The following NRXN1 variants were observed in gnomAD, a reference collection of about 807,000 sequenced individuals.
The protein encoded by NRXN1 is neurexin 1, also known as neurexin-1.
In NRXN1, 39 loss-of-function variants were observed where a neutral mutation model predicts 150.9. The observed-to-expected ratio is 0.26, with a 90% CI of 0.20 to 0.34. The LOEUF (loss-of-function observed/expected upper bound fraction) is 0.34. Ranked by LOEUF, NRXN1 falls within the 10% of genes least tolerant of loss-of-function variation. NRXN1 has a pLI of 1.00. For missense variants in NRXN1, 1,815 were observed against 1,949.9 expected (o/e 0.93, Z 1.30); for synonymous variants, 924 against 757.0 (o/e 1.22, Z -3.62).
At chr2:50,668,342 C>G (rs1350332372) in intron 5 of NRXN1, among the ~76,000 whole-genome samples, 1 of 151,460 alleles carries the variant, frequency 6.6e-6, no homozygotes, top group Non-Finnish European at 1.5e-5. Context: ...AAAATATAGT[C>G]AACATGTGAA....
In NRXN1 at chr2:50,296,518, C is replaced by CTATTAGTATTATTATTAT. The variant is rs60974449; in HGVS notation, c.3365-59549_3365-59548insATAATAATAATACTAATA. ...TCCATGTGTACCCATTGCTTAGCTT[C>CTATTAGTATTATTATTAT]TATTATTATTATTATTATCATTATT... On this transcript the variant is annotated intron_variant, in intron 17 of 22. Transcript: ENST00000401669. Among the ~76,000 whole-genome samples the CTATTAGTATTATTATTAT allele has an allele frequency of 2.2e-3, 319 of 148,042 alleles. 2 individuals carry two copies. Among genetic ancestry groups the CTATTAGTATTATTATTAT allele is most frequent in the Admixed American group, 7.7e-3 (114 of 14,812 alleles).
chr2:50,722,061 G>A (rs1366048529), intron 5 of NRXN1, among the ~76,000 whole-genome samples: 3 of 152,100 alleles, frequency 2.0e-5, no homozygotes, highest in African/African-American at 4.8e-5. Flanking sequence ...CTTTAAAAAT[G>A]GTGATCATAA....
intron 15 of NRXN1, among the ~76,000 whole-genome samples, chr2:50,493,953 C>A (rs911127109): frequency 2.6e-5 from 4 of 152,020 alleles, no homozygotes; most frequent in African/African-American, 9.7e-5. Flanking sequence ...ATGGGCAAAG[C>A]CTGTTTTATC....
At chr2:50,283,425 T>A (rs1045645340) in intron 17 of NRXN1, among the ~76,000 whole-genome samples, 4 of 152,190 alleles carry the variant, frequency 2.6e-5, no homozygotes, top group Non-Finnish European at 4.4e-5. Context: ...TCTAAATATC[T>A]TTCTTGTTTA....
intron 13 of NRXN1, among the ~76,000 whole-genome samples, chr2:50,503,232 T>C (rs1457256987): frequency 1.3e-5 from 2 of 151,190 alleles, no homozygotes; most frequent in East Asian, 3.9e-4. Context: ...CACTTGAATG[T>C]AGGAGGCGGA....
At chr2:50,460,073 C>T (rs2088009159) in intron 17 of NRXN1, among the ~76,000 whole-genome samples, 1 of 152,076 alleles carries the variant, frequency 6.6e-6, no homozygotes, top group South Asian at 2.1e-4. Context: ...AATAGTTAGT[C>T]AAGGTGACTA....
At position 50,039,771 on chromosome 2, in the gene NRXN1, T is replaced by C. The variant is rs190736116; in HGVS notation, c.4128+13500A>G. Among the ~76,000 whole-genome samples the C allele has an allele frequency of 1.1e-3, 175 of 152,190 alleles. 1 individual carries two copies. The highest frequency in any genetic ancestry group is 4.1e-3 in the African/African-American group (170 of 41,514). On this transcript the variant is annotated intron_variant, in intron 21 of 22. Coordinates refer to ENST00000401669, the MANE Select transcript of NRXN1 (RefSeq NM_001330078.2). The stretch of plus-strand genomic sequence containing the variant: ...GATATAATAAAGGCAAGAGATTCAA[T>C]ACAAGAAAAAATAAGTATGTTGAGT...
intron 17 of NRXN1, among the ~76,000 whole-genome samples, chr2:50,351,750 T>C (rs1355849370): frequency 6.6e-6 from 1 of 152,190 alleles, no homozygotes; most frequent in Non-Finnish European, 1.5e-5. Context: ...GGTACTATTG[T>C]TGATCCCTAA....
At chr2:50,328,650 C>G (rs931028129) in intron 17 of NRXN1, among the ~76,000 whole-genome samples, 1 of 152,088 alleles carries the variant, frequency 6.6e-6, no homozygotes, top group African/African-American at 2.4e-5. Context: ...GCAGGAAAAT[C>G]GTTTGAAACC....
At chr2:50,402,303 A>T (rs2351519) in intron 17 of NRXN1, among the ~76,000 whole-genome samples, 84,761 of 151,430 alleles carry the variant, frequency 0.56, 25,777 homozygotes, top group East Asian at 0.8. Context: ...TGGTTTTTTT[A>T]AATGGTAGAC....
At chr2:50,068,884 G>A (rs963732573) in intron 19 of NRXN1, among the ~76,000 whole-genome samples, 2 of 152,170 alleles carry the variant, frequency 1.3e-5, no homozygotes, top group African/African-American at 4.8e-5. Flanking sequence ...CTTATTATGA[G>A]TGATATCCCG....
chr2:50,991,348 C>T (rs76768688), intron 2 of NRXN1, among the ~76,000 whole-genome samples: 8,825 of 151,954 alleles, frequency 0.058, 490 homozygotes, highest in East Asian at 0.18. Context: ...ATAAATTATA[C>T]CTAAGGTGGA....
At chr2:50,193,458 C>A (rs900811687) in intron 18 of NRXN1, among the ~76,000 whole-genome samples, 4 of 152,122 alleles carry the variant, frequency 2.6e-5, no homozygotes, top group African/African-American at 9.7e-5. Flanking sequence ...TCTTATTTTA[C>A]AACAACTTTC....
At chr2:50,106,670 T>C (rs1401241751) in intron 18 of NRXN1, among the ~76,000 whole-genome samples, 9 of 151,960 alleles carry the variant, frequency 5.9e-5, no homozygotes, top group African/African-American at 2.2e-4. Context: ...CCATATTACT[T>C]TGAAGTAATT....
chr2:50,340,979 C>A (rs1410658826), intron 17 of NRXN1, among the ~76,000 whole-genome samples: 1 of 152,144 alleles, frequency 6.6e-6, no homozygotes, highest in South Asian at 2.1e-4. Context: ...AGCCTCTAAT[C>A]CCAGTTAATT....
chr2:50,496,186 G>T, intron 14 of NRXN1, 91 bp from the exon 15 acceptor site: 1 of 983,240 alleles, frequency 1.0e-6, no homozygotes, highest in Non-Finnish European at 1.5e-6. Context: ...TTTTTTTTCA[G>T]GTGGTTCCAT....
At chr2:50,256,645 T>C (rs1381683562) in intron 17 of NRXN1, among the ~76,000 whole-genome samples, 4 of 152,178 alleles carry the variant, frequency 2.6e-5, no homozygotes, top group African/African-American at 7.2e-5. Flanking sequence ...CTTTACTTTC[T>C]TTAATAACAG....
chr2:50,229,977 A>G (rs553117883), intron 18 of NRXN1, among the ~76,000 whole-genome samples: 2 of 152,052 alleles, frequency 1.3e-5, no homozygotes, highest in Non-Finnish European at 2.9e-5. Flanking sequence ...AAGCCATTCT[A>G]TAAAATAGCT....
At chr2:50,565,209 CCTT>C in intron 8 of NRXN1, among the ~76,000 whole-genome samples, 1 of 151,986 alleles carries the variant, frequency 6.6e-6, no homozygotes, top group East Asian at 1.9e-4. Flanking sequence ...AGGAATGGGA[CCTT>C]CTTGTTTTGG....
Sources: allele counts gnomAD v4.1 joint callset (sites outside exome capture counted in the v4.1 genomes callset), GRCh38; gene constraint gnomAD v4.1.1; transcripts MANE v1.5; gene names NCBI Gene and HGNC (gene_info 2026-07-23, HGNC 2026-07-21).